Variants in GHR observed in about 807,000 individuals in gnomAD.
GHR encodes the protein growth hormone receptor.
In GHR, 35 loss-of-function variants were observed where a neutral mutation model predicts 67.1. That is an observed-to-expected ratio of 0.52 (90% CI 0.40 to 0.69). The LOEUF is 0.69. GHR is among the 30% of genes least tolerant of loss of function. The pLI is 0.00. For synonymous variants in GHR, 272 were observed against 269.1 expected (o/e 1.01, Z -0.10); for missense variants, 792 against 764.6 (o/e 1.04, Z -0.42).
chr5:42,474,317 G>GAAAGAAAGAAAGAAAGAAAGA (rs1745181374), intron 1 of GHR, among the ~76,000 whole-genome samples: 1 of 138,852 alleles, frequency 7.2e-6, no homozygotes, highest in Non-Finnish European at 1.6e-5. Flanking sequence ...AAGAAAGAAA[G>GAAAGAAAGAAAGAAAGAAAGA]AAAGAAAGAA....
At chr5:42,570,895 T>A (rs1229225231) in intron 2 of GHR, among the ~76,000 whole-genome samples, 3 of 152,114 alleles carry the variant, frequency 2.0e-5, no homozygotes, top group Non-Finnish European at 4.4e-5. Flanking sequence ...GAGGAGGAAG[T>A]TGATGACAAT....
intron 2 of GHR, among the ~76,000 whole-genome samples, chr5:42,627,198 C>T (rs1387950048): frequency 1.3e-5 from 2 of 152,028 alleles, no homozygotes; most frequent in African/African-American, 4.8e-5. Context: ...TAAAAATAAA[C>T]TTTTTTTACT....
In GHR at chr5:42,424,612, G is replaced by A. The variant is rs772899654; in HGVS notation, c.-12+657G>A. On this transcript the variant is annotated intron_variant, in intron 1 of 9. Transcript: ENST00000230882. This position sits in a 1 kb window ranked among gnomAD's most constrained non-coding sequence, Gnocchi z 4.1. ...GCATGAACTGGGGTAAGTGGAAATT[G>A]TGGCGAGCCGACCTCCCCCAGCTTT... 2.0e-6 allele frequency: 3 copies of A among 1,533,882 alleles called. No individual in the cohort carries two copies. Among genetic ancestry groups the A allele is most frequent in the African/African-American group, 1.4e-5 (1 of 73,010 alleles).
At chr5:42,585,692 A>T (rs1224796679) in intron 2 of GHR, among the ~76,000 whole-genome samples, 1 of 152,244 alleles carries the variant, frequency 6.6e-6, no homozygotes, top group East Asian at 1.9e-4. Flanking sequence ...TTGAAGTTTC[A>T]GGATTCCAAG....
At chr5:42,468,784 A>C in intron 1 of GHR, 1 of 1,092,800 alleles carries the variant, frequency 9.2e-7, no homozygotes, top group Non-Finnish European at 1.4e-6. Flanking sequence ...CAGCACCTCG[A>C]AGGGGTCCGA....
Position 42,467,549 on chromosome 5 carries a change from TA to T in GHR, c.-12+43597del. On this transcript the variant is annotated intron_variant, in intron 1 of 9. Coordinates refer to ENST00000230882, the MANE Select transcript of GHR (RefSeq NM_000163.5). ...AAGGCTTTCTCACATTTACTACGCC[TA>T]AAGGTTTTTTCTAAGGAGAGGTTTT... 6 of 1,474,696 alleles carry T rather than the reference TA, an allele frequency of 4.1e-6. No individual in the cohort carries two copies. The South Asian group carries it at 4.6e-5, about 11-fold the overall frequency. 91.4% of individuals were successfully genotyped at this position (1,474,696 alleles called of 1,614,324 possible).
At chr5:42,521,682 T>C (rs1747482049) in intron 1 of GHR, among the ~76,000 whole-genome samples, 1 of 152,194 alleles carries the variant, frequency 6.6e-6, no homozygotes, top group South Asian at 2.1e-4. Flanking sequence ...TTATTTTCTT[T>C]TGATTTTTTT....
chr5:42,529,350 T>A (rs901977681), intron 1 of GHR, among the ~76,000 whole-genome samples: 5 of 152,126 alleles, frequency 3.3e-5, no homozygotes, highest in African/African-American at 4.8e-5. Context: ...CAAAAAATTG[T>A]GTGGCTTGCT....
intron 5 of GHR, among the ~76,000 whole-genome samples, chr5:42,697,044 T>C (rs1185811164): frequency 1.3e-5 from 2 of 152,192 alleles, no homozygotes; most frequent in East Asian, 1.9e-4. Flanking sequence ...AAGACTGAGA[T>C]GATCAAGGTA....
At chr5:42,579,138 G>T (rs1224095024) in intron 2 of GHR, among the ~76,000 whole-genome samples, 25 of 44,628 alleles carry the variant, frequency 5.6e-4, no homozygotes, top group East Asian at 1.1e-3. Context: ...TAGATAGATA[G>T]ATGATAGATA....
chr5:42,475,065 G>A (rs547302362), intron 1 of GHR, among the ~76,000 whole-genome samples: 61 of 151,924 alleles, frequency 4.0e-4, no homozygotes, highest in African/African-American at 1.4e-3. Flanking sequence ...TGTATTTGTA[G>A]TAGTGACGGG....
intron 3 of GHR, among the ~76,000 whole-genome samples, chr5:42,650,938 C>T (rs956064166): frequency 4.6e-5 from 7 of 152,102 alleles, no homozygotes; most frequent in African/African-American, 1.7e-4. Context: ...TATAGGTCTT[C>T]ATTAGGATAA....
intron 1 of GHR, among the ~76,000 whole-genome samples, chr5:42,535,412 G>T (rs938739050): frequency 6.6e-6 from 1 of 152,092 alleles, no homozygotes; most frequent in African/African-American, 2.4e-5. Flanking sequence ...TGTTGAAAAG[G>T]TGTCCTTTCC....
chr5:42,435,027 G>A (rs1743261122), intron 1 of GHR, among the ~76,000 whole-genome samples: 3 of 152,190 alleles, frequency 2.0e-5, no homozygotes, highest in Non-Finnish European at 4.4e-5. Flanking sequence ...TATTTCACAA[G>A]CAATGAGTCA....
chr5:42,590,945 T>G (rs1316598883), intron 2 of GHR, among the ~76,000 whole-genome samples: 1 of 152,202 alleles, frequency 6.6e-6, no homozygotes, highest in Non-Finnish European at 1.5e-5. Context: ...TGTTTTTCAG[T>G]TCAGCACAGT....
intron 3 of GHR, among the ~76,000 whole-genome samples, chr5:42,635,052 T>C (rs4394131): frequency 9.2e-5 from 14 of 151,694 alleles, no homozygotes; most frequent in African/African-American, 3.1e-4. Flanking sequence ...AGAGAGCAGA[T>C]TTGATACTGG....
intron 1 of GHR, among the ~76,000 whole-genome samples, chr5:42,508,056 T>C (rs1418819888): frequency 1.3e-5 from 2 of 152,142 alleles, no homozygotes; most frequent in African/African-American, 4.8e-5. Flanking sequence ...CAAAAAAGAA[T>C]GGCATATTCA....
At chr5:42,613,054 G>T (rs1459288401) in intron 2 of GHR, among the ~76,000 whole-genome samples, 1 of 152,132 alleles carries the variant, frequency 6.6e-6, no homozygotes. Flanking sequence ...TTCAGATAGA[G>T]ATGTTTCAAA....
chr5:42,493,222 CTG>C (rs1746188983), intron 1 of GHR, among the ~76,000 whole-genome samples: 1 of 152,084 alleles, frequency 6.6e-6, no homozygotes, highest in African/African-American at 2.4e-5. Context: ...AGAGACCTTG[CTG>C]TGTTAAGTGA....
Sources: allele counts gnomAD v4.1 joint callset (sites outside exome capture counted in the v4.1 genomes callset), GRCh38; gene constraint gnomAD v4.1.1; non-coding constraint Gnocchi (gnomAD v3.1); transcripts MANE v1.5; gene names NCBI Gene and HGNC (gene_info 2026-07-23, HGNC 2026-07-21).